AGMO: variants seen among roughly 807,000 people sequenced by gnomAD.
AGMO encodes glyceryl-ether monooxygenase.
In AGMO, 75 loss-of-function variants were observed where a neutral mutation model predicts 60.2. The observed-to-expected ratio is 1.25, with a 90% CI of 1.03 to 1.51. AGMO has a LOEUF of 1.51. Among genes scored for constraint, AGMO ranks in the 40% most tolerant of loss-of-function variants. The pLI is 0.00. For synonymous variants in AGMO, 261 were observed against 177.1 expected, an observed-to-expected ratio of 1.47 and a Z score of -3.76; for missense variants, 763 against 525.5, an observed-to-expected ratio of 1.45 and a Z score of -4.42.
At chr7:15,289,373 T>A (rs1390982124) in intron 12 of AGMO, among the ~76,000 whole-genome samples, 1 of 151,908 alleles carries the variant, frequency 6.6e-6, no homozygotes, top group African/African-American at 2.4e-5. Flanking sequence ...GAGTTTGTTT[T>A]CTAAAAAAAA....
chr7:15,447,262 T>G (rs1376542411), intron 3 of AGMO, among the ~76,000 whole-genome samples: 1 of 152,212 alleles, frequency 6.6e-6, no homozygotes, highest in Admixed American at 6.5e-5. Flanking sequence ...CGTAAGAGTT[T>G]AGTGATCAAT....
intron 12 of AGMO, among the ~76,000 whole-genome samples, chr7:15,238,994 G>A (rs1782510152): frequency 6.6e-6 from 1 of 152,082 alleles, no homozygotes; most frequent in Non-Finnish European, 1.5e-5. Context: ...CCATTTTACA[G>A]ATGAGGAAAC....
intron 12 of AGMO, among the ~76,000 whole-genome samples, chr7:15,247,816 G>T (rs1052074199): frequency 1.3e-5 from 2 of 151,608 alleles, no homozygotes; most frequent in African/African-American, 4.8e-5. Flanking sequence ...CTAGACAATG[G>T]AAATAAGTCA....
At chr7:15,422,243 A>C (rs974600470) in intron 4 of AGMO, among the ~76,000 whole-genome samples, 1 of 152,070 alleles carries the variant, frequency 6.6e-6, no homozygotes, top group Admixed American at 6.6e-5. Context: ...TCCTTCAATA[A>C]AACAATGGAT....
At chr7:15,249,536 G>T (rs1782868852) in intron 12 of AGMO, among the ~76,000 whole-genome samples, 1 of 152,170 alleles carries the variant, frequency 6.6e-6, no homozygotes, top group Non-Finnish European at 1.5e-5. Flanking sequence ...AATCAGGGCA[G>T]AAGGATATTT....
At chr7:15,254,322 A>G (rs1783034034) in intron 12 of AGMO, among the ~76,000 whole-genome samples, 1 of 152,136 alleles carries the variant, frequency 6.6e-6, no homozygotes, top group South Asian at 2.1e-4. Flanking sequence ...ACATTTTTTC[A>G]TAATGGCTGT....
rs574842097 is a variant in AGMO at position 15,303,012 on chromosome 7, T to G, written c.1263+62502A>C. Among the ~76,000 whole-genome samples, 12 of 152,258 alleles carry G rather than the reference T, an allele frequency of 7.9e-5. No individual in the cohort carries two copies. The East Asian group carries it at 2.1e-3, about 27-fold the overall frequency. On this transcript the variant is annotated intron_variant, in intron 12 of 12. Transcript: ENST00000342526. ...AGTAAATCTAAAGGATCTTGAAAGC[T>G]GAATGTCTGGGATGGTCAATGAAAA...
At chr7:15,448,729 TA>T (rs1719330612) in intron 3 of AGMO, among the ~76,000 whole-genome samples, 1 of 152,044 alleles carries the variant, frequency 6.6e-6, no homozygotes, top group Non-Finnish European at 1.5e-5. Context: ...CACTATTTTC[TA>T]AAAGATGGAA....
chr7:15,216,879 T>C (rs947830582), intron 12 of AGMO, among the ~76,000 whole-genome samples: 16 of 146,954 alleles, frequency 1.1e-4, no homozygotes, highest in Admixed American at 9.5e-4. Flanking sequence ...CATGCACACA[T>C]GCCCAATCCC....
At chr7:15,340,684 T>C (rs12537418) in intron 12 of AGMO, among the ~76,000 whole-genome samples, 12,427 of 152,182 alleles carry the variant, frequency 0.082, 652 homozygotes, top group South Asian at 0.1. Flanking sequence ...AAGACAAGAA[T>C]TGAGATTTGG....
intron 12 of AGMO, among the ~76,000 whole-genome samples, chr7:15,324,147 C>A (rs1206653132): frequency 4.6e-5 from 7 of 152,136 alleles, no homozygotes; most frequent in African/African-American, 1.7e-4. Context: ...ATTACTCCAG[C>A]GCAGCAACCC....
chr7:15,394,377 C>T (rs910614917), intron 5 of AGMO, among the ~76,000 whole-genome samples, 198 bp from the exon 6 acceptor site: 2 of 152,110 alleles, frequency 1.3e-5, no homozygotes, highest in East Asian at 1.9e-4. Flanking sequence ...TATTCTGAGA[C>T]GTGGCATGGT....
rs796973956 is a variant in AGMO, at chr7:15,513,537, C to G, written c.409+31235G>C. On this transcript the variant is annotated intron_variant, in intron 3 of 12. Coordinates refer to ENST00000342526, the MANE Select transcript of AGMO (RefSeq NM_001004320.2). Reference sequence around the variant, plus strand: ...AGTCCCCATCAAGGCAGACCCTGAGCTTTTACTCCTACTCTCTTGTCCCCC... The same window carrying G: ...AGTCCCCATCAAGGCAGACCCTGAGGTTTTACTCCTACTCTCTTGTCCCCC... Among the ~76,000 whole-genome samples, 11 of 152,266 alleles carry G rather than the reference C, an allele frequency of 7.2e-5. 1 individual carries two copies. Among genetic ancestry groups the G allele is most frequent in the African/African-American group, 2.6e-4 (11 of 41,568 alleles).
intron 3 of AGMO, among the ~76,000 whole-genome samples, chr7:15,529,178 T>C (rs1251491928): frequency 1.3e-5 from 2 of 152,054 alleles, no homozygotes; most frequent in African/African-American, 4.8e-5. Context: ...ATTTCTTAGG[T>C]ATAATCATGG....
chr7:15,390,282 G>A (rs973665233), intron 8 of AGMO, among the ~76,000 whole-genome samples: 3 of 152,138 alleles, frequency 2.0e-5, no homozygotes, highest in African/African-American at 7.2e-5. Context: ...AAGGCCTCAC[G>A]ATGAATTTCT....
chr7:15,384,928 C>T (rs73302375), intron 10 of AGMO, among the ~76,000 whole-genome samples: 10,332 of 150,938 alleles, frequency 0.068, 654 homozygotes, highest in African/African-American at 0.17. Context: ...AAAATGATCC[C>T]CAAAGTGGCG....
intron 5 of AGMO, among the ~76,000 whole-genome samples, chr7:15,395,683 T>A: frequency 6.6e-6 from 1 of 151,642 alleles, no homozygotes; most frequent in East Asian, 1.9e-4. Context: ...TATAAATTTA[T>A]TGTTATTCTA....
intron 3 of AGMO, among the ~76,000 whole-genome samples, chr7:15,475,191 G>A (rs996388309): frequency 3.9e-5 from 6 of 152,088 alleles, no homozygotes; most frequent in Non-Finnish European, 7.3e-5. Context: ...CCCATTACTG[G>A]TTATATACCC....
At chr7:15,511,494 G>A (rs1241549414) in intron 3 of AGMO, among the ~76,000 whole-genome samples, 3 of 152,104 alleles carry the variant, frequency 2.0e-5, no homozygotes, top group African/African-American at 7.2e-5. Flanking sequence ...GGAGGGCAGA[G>A]GAATGGGGAG....
Sources: gnomAD v4.1 joint callset for allele counts (sites outside exome capture counted in the v4.1 genomes callset) on GRCh38, gnomAD v4.1.1 for gene constraint, MANE v1.5 for transcripts, NCBI Gene and HGNC (gene_info 2026-07-23, HGNC 2026-07-21) for gene names.